CHODL: variants seen among roughly 807,000 people sequenced by gnomAD.
CHODL encodes chondrolectin, also known as transmembrane protein MT75.
In CHODL, 29 loss-of-function variants were observed where a neutral mutation model predicts 34.5. That is an observed-to-expected ratio of 0.84 (90% CI 0.63 to 1.15). The LOEUF (loss-of-function observed/expected upper bound fraction) is 1.15, where lower values mean the gene tolerates loss of function less well. Among genes scored for constraint, CHODL ranks in the 50% most tolerant of loss-of-function variants. CHODL has a pLI of 0.00. For missense variants in CHODL, 332 were observed against 332.5 expected (o/e 1.00, Z 0.01); for synonymous variants, 125 against 116.1 (o/e 1.08, Z -0.49).
At chr21:18,134,892 C>T (rs2072701649) in intron 2 of CHODL, among the ~76,000 whole-genome samples, 1 of 152,176 alleles carries the variant, frequency 6.6e-6, no homozygotes, top group South Asian at 2.1e-4. Context: ...TCTTTATTGG[C>T]TTACCTATGA....
At chr21:18,168,815 G>A (rs1238548738) in intron 2 of CHODL, among the ~76,000 whole-genome samples, 1 of 151,966 alleles carries the variant, frequency 6.6e-6, no homozygotes, top group Non-Finnish European at 1.5e-5. Context: ...GCACTTTTAT[G>A]TAATGTCTAA....
At chr21:18,228,644 GA>G (rs954553019) in intron 2 of CHODL, among the ~76,000 whole-genome samples, 27 of 152,246 alleles carry the variant, frequency 1.8e-4, no homozygotes, top group African/African-American at 5.5e-4. Flanking sequence ...GCAGCTAGAA[GA>G]GAACTTGTAC....
intron 1 of CHODL, among the ~76,000 whole-genome samples, chr21:18,014,463 C>T (rs764039097): frequency 6.6e-6 from 1 of 152,184 alleles, no homozygotes; most frequent in African/African-American, 2.4e-5. Context: ...ACAATAGATA[C>T]TATGGACTAC....
chr21:18,111,019 A>T (rs1388156167), intron 2 of CHODL, among the ~76,000 whole-genome samples: 1 of 152,136 alleles, frequency 6.6e-6, no homozygotes, highest in Non-Finnish European at 1.5e-5. Flanking sequence ...GTAGATTCAA[A>T]CTGGGACAGC....
chr21:18,150,714 C>A (rs2072953835), intron 2 of CHODL, among the ~76,000 whole-genome samples: 1 of 152,134 alleles, frequency 6.6e-6, no homozygotes, highest in Non-Finnish European at 1.5e-5. Context: ...CTTATTATTT[C>A]TCCCCAAGAC....
At chr21:18,076,341 T>C (rs1003218171) in intron 2 of CHODL, among the ~76,000 whole-genome samples, 1 of 152,154 alleles carries the variant, frequency 6.6e-6, no homozygotes, top group Non-Finnish European at 1.5e-5. Context: ...GACCATCTTG[T>C]TGTGAAGTGG....
At chr21:18,168,440 T>A (rs1300455789) in intron 2 of CHODL, among the ~76,000 whole-genome samples, 3 of 152,198 alleles carry the variant, frequency 2.0e-5, no homozygotes, top group Non-Finnish European at 4.4e-5. Flanking sequence ...TCAACACTAA[T>A]GTCTGTCTTT....
intron 2 of CHODL, among the ~76,000 whole-genome samples, chr21:18,055,171 A>T (rs937845908): frequency 1.3e-5 from 2 of 151,712 alleles, no homozygotes; most frequent in African/African-American, 4.8e-5. Context: ...CCATTTCTTA[A>T]TTTTGTTCTT....
intron 2 of CHODL, among the ~76,000 whole-genome samples, chr21:18,156,140 A>G (rs1277351705): frequency 6.6e-6 from 1 of 152,260 alleles, no homozygotes; most frequent in East Asian, 1.9e-4. Context: ...ACCTGGGATA[A>G]TTTTTTGATG....
At chr21:18,059,742 T>C (rs207797) in intron 2 of CHODL, among the ~76,000 whole-genome samples, 62,609 of 151,884 alleles carry the variant, frequency 0.41, 13,652 homozygotes, top group East Asian at 0.82. Context: ...CAAACTGACA[T>C]AGGAACAGAA....
intron 2 of CHODL, among the ~76,000 whole-genome samples, chr21:18,211,506 T>C (rs2073774789): frequency 1.3e-5 from 2 of 152,246 alleles, no homozygotes; most frequent in African/African-American, 2.4e-5. Flanking sequence ...GGAAGAGGTT[T>C]GGTGGTCTTG....
chr21:17,984,390 A>T (rs2063737634), intron 1 of CHODL, among the ~76,000 whole-genome samples: 1 of 152,180 alleles, frequency 6.6e-6, no homozygotes, highest in Admixed American at 6.6e-5. Context: ...CACACCCAGA[A>T]TTGGGATTGC....
intron 2 of CHODL, among the ~76,000 whole-genome samples, chr21:18,222,116 GT>G (rs1238110362): frequency 6.6e-6 from 1 of 152,192 alleles, no homozygotes; most frequent in East Asian, 1.9e-4. Context: ...AGGGAGGTAG[GT>G]TTGCTTTTGG....
intron 1 of CHODL, among the ~76,000 whole-genome samples, chr21:17,933,762 C>T (rs965841908): frequency 2.5e-4 from 38 of 152,014 alleles, no homozygotes; most frequent in African/African-American, 8.7e-4. Context: ...AATAGTAGGC[C>T]GGGCGTGGTG....
At chr21:18,011,908 C>A (rs1357645203) in intron 1 of CHODL, among the ~76,000 whole-genome samples, 2 of 152,142 alleles carry the variant, frequency 1.3e-5, no homozygotes, top group Non-Finnish European at 2.9e-5. Context: ...TTAGGGATTT[C>A]CTGTTTCTTT....
At chr21:18,004,910 G>A (rs1460692284) in intron 1 of CHODL, among the ~76,000 whole-genome samples, 1 of 151,898 alleles carries the variant, frequency 6.6e-6, no homozygotes, top group Non-Finnish European at 1.5e-5. Flanking sequence ...ATGATATCCT[G>A]TTACCACTAT....
chr21:18,057,827 T>A (rs1251380066), intron 2 of CHODL, among the ~76,000 whole-genome samples: 1 of 151,806 alleles, frequency 6.6e-6, no homozygotes, highest in Non-Finnish European at 1.5e-5. Context: ...TTTTTTTCTT[T>A]AAAAAAAACT....
chr21:18,173,691 T>G (rs1439872098), intron 2 of CHODL, among the ~76,000 whole-genome samples: 1 of 152,142 alleles, frequency 6.6e-6, no homozygotes, highest in East Asian at 1.9e-4. Flanking sequence ...CTATGCTATC[T>G]ACATTGGTCT....
chr21:18,204,138 A>G (rs1601144269), intron 2 of CHODL, among the ~76,000 whole-genome samples: 1 of 152,150 alleles, frequency 6.6e-6, no homozygotes, highest in East Asian at 1.9e-4. Context: ...CTATTGTTAT[A>G]CATTTTTAAT....
Sources: allele counts gnomAD v4.1 joint callset (sites outside exome capture counted in the v4.1 genomes callset), GRCh38; gene constraint gnomAD v4.1.1; transcripts MANE v1.5; gene names NCBI Gene and HGNC (gene_info 2026-07-23, HGNC 2026-07-21).